CHRM5: variants seen among roughly 807,000 people sequenced by gnomAD.
CHRM5 encodes cholinergic receptor muscarinic 5.
In CHRM5, 18 loss-of-function variants were observed where a neutral mutation model predicts 39.0. The ratio of observed to expected loss-of-function variants is 0.46; its 90% CI spans 0.32 to 0.68. CHRM5 has a LOEUF of 0.68. CHRM5 is among the 30% of genes least tolerant of loss of function. The probability of loss-of-function intolerance (pLI) is 0.04; values close to 1 mark genes in which losing one functional copy is unlikely to be tolerated. For synonymous variants in CHRM5, 241 were observed against 246.3 expected (o/e 0.98, Z 0.20); for missense variants, 515 against 651.1 (o/e 0.79, Z 2.28).
intron 1 of CHRM5, among the ~76,000 whole-genome samples, chr15:34,019,773 C>T (rs939916727): frequency 6.6e-6 from 1 of 152,164 alleles, no homozygotes; most frequent in African/African-American, 2.4e-5. Context: ...CCTGGGTGTA[C>T]AGTAGGCTAC....
chr15:34,006,551 T>C (rs933891324), intron 1 of CHRM5, among the ~76,000 whole-genome samples: 4 of 152,230 alleles, frequency 2.6e-5, no homozygotes, highest in African/African-American at 9.6e-5. Context: ...AAGAGGATTA[T>C]GATCTAAAAC....
At chr15:33,979,246 G>T (rs960859458) in intron 1 of CHRM5, among the ~76,000 whole-genome samples, 1 of 152,158 alleles carries the variant, frequency 6.6e-6, no homozygotes, top group African/African-American at 2.4e-5. Flanking sequence ...GGTTGGCCAG[G>T]CACGGTGTCC....
rs145396493 is a variant in CHRM5 at position 33,990,259 on chromosome 15, A to G, written c.-408+21109A>G. Among the ~76,000 whole-genome samples the G allele has an allele frequency of 3.2e-3, 481 of 152,104 alleles. 3 individuals carry two copies. The highest frequency in any genetic ancestry group is 5.0e-3 in the Non-Finnish European group (337 of 67,936). Reference sequence around the variant, plus strand: ...TAGCCAGGCGTTGAGGTGCGTGCCTATAGTCCCAGCTACTCAGGAGGCTAA... The same window carrying G: ...TAGCCAGGCGTTGAGGTGCGTGCCTGTAGTCCCAGCTACTCAGGAGGCTAA... On this transcript the variant is annotated intron_variant, in intron 1 of 2. Transcript: ENST00000383263.
intron 1 of CHRM5, among the ~76,000 whole-genome samples, chr15:33,995,439 T>C (rs1312305184): frequency 1.3e-5 from 2 of 152,184 alleles, no homozygotes; most frequent in Non-Finnish European, 2.9e-5. Context: ...TTTGCATAGG[T>C]TATATGCAAA....
intron 1 of CHRM5, among the ~76,000 whole-genome samples, chr15:34,021,686 C>T (rs1354847075): frequency 6.6e-6 from 1 of 151,960 alleles, no homozygotes; most frequent in East Asian, 1.9e-4. Context: ...GAAACCCCGT[C>T]TCTACTAAAA....
At chr15:33,998,610 T>C (rs866754194) in intron 1 of CHRM5, among the ~76,000 whole-genome samples, 3 of 152,210 alleles carry the variant, frequency 2.0e-5, no homozygotes, top group South Asian at 4.1e-4. Context: ...TCTTTTTAAA[T>C]TCAAGAAAAA....
intron 1 of CHRM5, among the ~76,000 whole-genome samples, chr15:34,024,151 CAGT>C (rs1314316340): frequency 8.3e-5 from 7 of 84,320 alleles, no homozygotes; most frequent in African/African-American, 5.3e-4. Flanking sequence ...AGGCATTAGT[CAGT>C]GTGCTTGGAT....
At chr15:34,009,076 G>A (rs752845675) in intron 1 of CHRM5, among the ~76,000 whole-genome samples, 8 of 151,636 alleles carry the variant, frequency 5.3e-5, no homozygotes, top group Non-Finnish European at 1.2e-4. Flanking sequence ...CAGAATCAAC[G>A]GAAGCCAGAA....
intron 1 of CHRM5, among the ~76,000 whole-genome samples, chr15:33,995,167 G>T (rs1164192616): frequency 2.6e-5 from 4 of 152,064 alleles, no homozygotes; most frequent in Non-Finnish European, 5.9e-5. Context: ...AGGAGGCTGG[G>T]GCAGGAGGAT....
At chr15:34,025,799 G>A (rs76214573) in intron 1 of CHRM5, among the ~76,000 whole-genome samples, 103 of 145,538 alleles carry the variant, frequency 7.1e-4, no homozygotes, top group African/African-American at 2.3e-3. Flanking sequence ...TGTGTAAAGC[G>A]GAGGAAGGAG....
At chr15:33,996,126 GA>G (rs1896922791) in intron 1 of CHRM5, among the ~76,000 whole-genome samples, 3 of 152,250 alleles carry the variant, frequency 2.0e-5, no homozygotes, top group African/African-American at 7.2e-5. Context: ...CTGGCAGGGG[GA>G]GGGGCGTCTG....
chr15:34,036,154 G>C (rs1239556908), intron 1 of CHRM5, among the ~76,000 whole-genome samples: 5 of 151,858 alleles, frequency 3.3e-5, no homozygotes, highest in Non-Finnish European at 5.9e-5. Flanking sequence ...TGCTTCTAGT[G>C]AGTATTCCGT....
chr15:34,058,576 A>ACG (rs1900236002), intron 2 of CHRM5, among the ~76,000 whole-genome samples: 1 of 151,742 alleles, frequency 6.6e-6, no homozygotes, highest in African/African-American at 2.4e-5. Flanking sequence ...ACACACACAC[A>ACG]CACACACACA....
intron 1 of CHRM5, among the ~76,000 whole-genome samples, chr15:33,987,385 G>A (rs1896523154): frequency 6.6e-6 from 1 of 152,148 alleles, no homozygotes; most frequent in Non-Finnish European, 1.5e-5. Flanking sequence ...GGAAAGGCCA[G>A]GAAAGGAAAA....
At chr15:34,033,994 C>T (rs1331071239) in intron 1 of CHRM5, among the ~76,000 whole-genome samples, 1 of 152,108 alleles carries the variant, frequency 6.6e-6, no homozygotes, top group Non-Finnish European at 1.5e-5. Flanking sequence ...ACCATTTTGG[C>T]CAGGATGGTC....
chr15:34,042,685 C>T (rs1254411261), intron 1 of CHRM5, among the ~76,000 whole-genome samples: 3 of 151,930 alleles, frequency 2.0e-5, no homozygotes, highest in Non-Finnish European at 2.9e-5. Flanking sequence ...TTACAGGCAA[C>T]AGCCACCGTG....
intron 1 of CHRM5, among the ~76,000 whole-genome samples, chr15:34,022,014 G>A (rs78565473): frequency 0.021 from 3,221 of 152,278 alleles, 49 homozygotes; most frequent in Non-Finnish European, 0.029. Context: ...GAGAATTCAA[G>A]TGCAAATATT....
chr15:34,028,349 G>C (rs1310947007), intron 1 of CHRM5, among the ~76,000 whole-genome samples: 10 of 152,130 alleles, frequency 6.6e-5, no homozygotes, highest in Admixed American at 2.0e-4. Flanking sequence ...TGGTTCACTT[G>C]AGCCCAGGAG....
intron 1 of CHRM5, among the ~76,000 whole-genome samples, chr15:33,990,208 A>C (rs555715378): frequency 7.4e-4 from 112 of 151,736 alleles, no homozygotes; most frequent in African/African-American, 1.5e-3. Context: ...CGTCTCAAAA[A>C]AAAACAAAAC....
Sources: gnomAD v4.1 joint callset for allele counts (sites outside exome capture counted in the v4.1 genomes callset) on GRCh38, gnomAD v4.1.1 for gene constraint, MANE v1.5 for transcripts, NCBI Gene and HGNC (gene_info 2026-07-23, HGNC 2026-07-21) for gene names.